PLEKHG5: variants seen among roughly 807,000 people sequenced by gnomAD.
The protein encoded by PLEKHG5 is pleckstrin homology and RhoGEF domain containing G5.
In PLEKHG5, 52 loss-of-function variants were observed where a neutral mutation model predicts 103.8. The ratio of observed to expected loss-of-function variants is 0.50; its 90% confidence interval spans 0.40 to 0.63. The LOEUF (loss-of-function observed/expected upper bound fraction) is 0.63, where lower values mean the gene tolerates loss of function less well. Among genes scored for constraint, PLEKHG5 ranks in the 30% least tolerant of loss-of-function variants. The probability of loss-of-function intolerance (pLI) is 0.00; values close to 1 mark genes in which losing one functional copy is unlikely to be tolerated. For synonymous variants in PLEKHG5, 592 were observed against 575.5 expected, an observed-to-expected ratio of 1.03 and a Z score of -0.41; for missense variants, 1,205 against 1,347.6, an observed-to-expected ratio of 0.89 and a Z score of 1.66.
At position 6,485,300 on chromosome 1, in the gene PLEKHG5, T is replaced by TCCCGC. The variant is rs1198520859; in HGVS notation, c.-88+6332_-88+6336dup. 1.2e-5 allele frequency: 16 copies of TCCCGC among 1,353,470 alleles called. No homozygotes were observed. In the Middle Eastern group the frequency reaches 6.4e-4, roughly 54 times the overall value. The allele number at this position is 1,353,470 out of a possible 1,614,324, so 83.8% of individuals were successfully genotyped here. On this transcript the variant is annotated intron_variant, in intron 1 of 20. Coordinates refer to ENST00000377728, the MANE Select transcript of PLEKHG5 (RefSeq NM_020631.6). Reference sequence around the variant, plus strand: ...GCGAGAACTGGGCACCCAGCCCCGTTCCCGCCCCGTCCCGGCCCCGTACCT... The same window carrying TCCCGC: ...GCGAGAACTGGGCACCCAGCCCCGTTCCCGCCCCGCCCCGTCCCGGCCCCGTACCT...
At chr1:6,474,244 A>T in intron 6 of PLEKHG5, 80 bp from the exon 7 acceptor site, 1 of 1,540,508 alleles carries the variant, frequency 6.5e-7, no homozygotes. Flanking sequence ...TCCCCGGAGG[A>T]TCCACACCAA....
intron 1 of PLEKHG5, among the ~76,000 whole-genome samples, chr1:6,480,829 T>C (rs540059787): frequency 5.7e-4 from 87 of 151,994 alleles, no homozygotes; most frequent in South Asian, 1.0e-3. Flanking sequence ...TTAGTAGAGA[T>C]AGGATTTCGC....
At position 6,475,263 on chromosome 1, in the gene PLEKHG5, TCCCAACCCTCCTC is replaced by T. The variant is rs1183930530; in HGVS notation, c.211-138_211-126del. On this transcript the variant is annotated intron_variant, in intron 4 of 20. Coordinates refer to ENST00000377728, the MANE Select transcript of PLEKHG5 (RefSeq NM_020631.6). ...TCCCCACCCTCCTTCCCACCCTCCT[TCCCAACCCTCCTC>T]CCCACCCTCCCCACCCTCCGGTCTC... 6.7e-5 allele frequency: 32 copies of T among 477,078 alleles called. No individual in the cohort carries two copies. In the East Asian group the frequency reaches 1.4e-3, roughly 22 times the overall value. The allele number at this position is 477,078 out of a possible 1,614,324, so 29.6% of individuals were successfully genotyped here.
chr1:6,485,455 G>A, intron 1 of PLEKHG5: 2 of 1,258,324 alleles, frequency 1.6e-6, no homozygotes, highest in Non-Finnish European at 2.0e-6. Flanking sequence ...GCGGCCGGAG[G>A]AAGCCGCGGT....
At position 6,477,541 on chromosome 1, in the gene PLEKHG5, G is replaced by A. The variant is rs2148598144; in HGVS notation, c.31C>T (p.Leu11Phe). The part of the protein sequence containing the change: MHYDGHVRFD[L>F]PPQGSVLARN... ...CGCCTGTGCTCACCTTGTGGGGGAA[G>A]GTCGAAGCGGACATGCCCATCATAA... is the stretch of plus-strand genomic sequence containing the variant. The change falls in exon 2 of 21, where the codon CTT (leucine) becomes TTT (phenylalanine). Residue 11 changes from leucine to phenylalanine, a missense_variant. Physicochemically the swap from Leu to Phe is conservative, Grantham distance 22. Coordinates refer to ENST00000377728, the MANE Select transcript of PLEKHG5 (RefSeq NM_020631.6). 1 of 1,612,070 alleles carries A rather than the reference G, an allele frequency of 6.2e-7. No individual in the cohort carries two copies. The highest frequency in any genetic ancestry group is 8.5e-7 in the Non-Finnish European group (1 of 1,179,958).
At chr1:6,481,588 G>A (rs1644904098) in intron 1 of PLEKHG5, among the ~76,000 whole-genome samples, 1 of 149,162 alleles carries the variant, frequency 6.7e-6, no homozygotes, top group Non-Finnish European at 1.5e-5. Flanking sequence ...AAAAGGCCAG[G>A]CGCGGTGGCT....
At chr1:6,482,501 C>T (rs528995085) in intron 1 of PLEKHG5, among the ~76,000 whole-genome samples, 4 of 152,158 alleles carry the variant, frequency 2.6e-5, no homozygotes, top group South Asian at 2.1e-4. Flanking sequence ...TTAATGTGGT[C>T]GTCATGTGTC....
upstream of PLEKHG5, chr1:6,496,996 G>A (rs1218016792): frequency 2.0e-6 from 3 of 1,527,736 alleles, no homozygotes; most frequent in Admixed American, 4.0e-5. Flanking sequence ...AGGAGCCCCC[G>A]AAGGTCTGGG....
chr1:6,484,218 C>T (rs572070425), intron 1 of PLEKHG5, among the ~76,000 whole-genome samples: 27 of 152,310 alleles, frequency 1.8e-4, no homozygotes, highest in South Asian at 6.2e-4. Flanking sequence ...AGCCCTATGA[C>T]GCACCCCACC....
At chr1:6,501,152 C>T (rs1050268119), upstream of PLEKHG5, among the ~76,000 whole-genome samples, 3 of 152,168 alleles carry the variant, frequency 2.0e-5, no homozygotes, top group Non-Finnish European at 2.9e-5. This position sits in a 1 kb window ranked among gnomAD's most constrained non-coding sequence, Gnocchi z 4.3. Flanking sequence ...CTCCAGCTCC[C>T]GAGCTGTGTC....
At chr1:6,489,038 A>G (rs1456502515) in intron 1 of PLEKHG5, among the ~76,000 whole-genome samples, 1 of 152,098 alleles carries the variant, frequency 6.6e-6, no homozygotes, top group Non-Finnish European at 1.5e-5. Flanking sequence ...TTCCCTGTCC[A>G]GGAAAGGACG....
At chr1:6,517,777 T>C (rs1419682794) in intron 1 of PLEKHG5, among the ~76,000 whole-genome samples, 1 of 152,154 alleles carries the variant, frequency 6.6e-6, no homozygotes, top group Non-Finnish European at 1.5e-5. Flanking sequence ...GAAGGGTCCA[T>C]GGCCCAAATG....
intron 1 of PLEKHG5, among the ~76,000 whole-genome samples, chr1:6,481,402 A>G (rs1258503033): frequency 6.6e-6 from 1 of 152,106 alleles, no homozygotes; most frequent in Non-Finnish European, 1.5e-5. Context: ...ATGGTGGCGC[A>G]TGCCTGTAAT....
rs534760199 is a variant in PLEKHG5 at position 6,470,808 on chromosome 1, T to C, written c.1469A>G (p.Lys490Arg). Residue 490 changes from lysine to arginine, a missense_variant, in exon 14 of 21, where the codon AAG (lysine) becomes AGG (arginine). Physicochemically the swap from Lys to Arg is conservative, Grantham distance 26. Coordinates refer to ENST00000377728, the MANE Select transcript of PLEKHG5 (RefSeq NM_020631.6). ...CACCGACTTGAGCAGCAGCGGGTAC[T>C]TGGTGAGCCGCTGGTGGGGTTTGGC... ...MLAKPHQRLT[K>R]YPLLLKSVLR... 49 of 1,577,148 alleles carry C rather than the reference T, an allele frequency of 3.1e-5. No individual in the cohort carries two copies. The highest frequency in any genetic ancestry group is 9.3e-5 in the East Asian group (4 of 43,124).
Position 6,471,654 on chromosome 1 carries a change from G to A in PLEKHG5, c.1132-17C>T, listed in dbSNP as rs1424401681. On this transcript the variant is annotated splice_polypyrimidine_tract_variant and intron_variant, in intron 11 of 20. Coordinates refer to ENST00000377728, the MANE Select transcript of PLEKHG5 (RefSeq NM_020631.6). ...CGCCTCCACCTGGGCGCGGCGGGAG[G>A]TGCGGTTGGCCACGCCCCTCCGCCA... is the stretch of plus-strand genomic sequence containing the variant. 1.3e-6 allele frequency: 2 copies of A among 1,571,448 alleles called. No homozygotes were observed. Among genetic ancestry groups the A allele is most frequent in the African/African-American group, 1.4e-5 (1 of 73,956 alleles).
At position 6,486,648 on chromosome 1, in the gene PLEKHG5, G is replaced by T. The variant is rs1645044540; in HGVS notation, c.-88+4989C>A. Reference sequence around the variant, plus strand: ...CTAGGCCAGGTCCCCACCGCCAGGGGGCACTCAGCAAAGCCTGAGAGGACG... The same window carrying T: ...CTAGGCCAGGTCCCCACCGCCAGGGTGCACTCAGCAAAGCCTGAGAGGACG... On this transcript the variant is annotated intron_variant, in intron 1 of 20. Transcript: ENST00000377728. The surrounding 1 kb of genome is among the most constrained non-coding windows in gnomAD (Gnocchi z 5.3). 6.6e-6 allele frequency among the ~76,000 whole-genome samples: 1 copy of T among 152,212 alleles called. No individual in the cohort carries two copies. Among genetic ancestry groups the T allele is most frequent in the African/African-American group, 2.4e-5 (1 of 41,450 alleles).
rs955057856 is a variant in PLEKHG5, at chr1:6,491,021, T to G, written c.-88+616A>C. Among the ~76,000 whole-genome samples the G allele has an allele frequency of 2.6e-5, 4 of 151,730 alleles. No homozygotes were observed. Among genetic ancestry groups the G allele is most frequent in the Non-Finnish European group, 5.9e-5 (4 of 67,982 alleles). ...TGAGCCAGGTTCGCTTCCGCTCTAT[T>G]GTAAAAAGCTGGATTCTGATCTGCG... On this transcript the variant is annotated intron_variant, in intron 1 of 20. Transcript: ENST00000377728. This position sits in a 1 kb window ranked among gnomAD's most constrained non-coding sequence, Gnocchi z 4.1.
In PLEKHG5 at chr1:6,487,526, G is replaced by T. The variant is rs552940776; in HGVS notation, c.-88+4111C>A. ...CTGGTCCGCACAGGGTCCACCTGCCGGTCTTCCTTCTCTCCCTACAGCTCG... is the reference window on the plus strand; with the variant it reads ...CTGGTCCGCACAGGGTCCACCTGCCTGTCTTCCTTCTCTCCCTACAGCTCG... On this transcript the variant is annotated intron_variant, in intron 1 of 20. Transcript: ENST00000377728. This position sits in a 1 kb window ranked among gnomAD's most constrained non-coding sequence, Gnocchi z 4.1. Among the ~76,000 whole-genome samples, 1 of 152,116 alleles carries T rather than the reference G, an allele frequency of 6.6e-6. No individual in the cohort carries two copies. Among genetic ancestry groups the T allele is most frequent in the African/African-American group, 2.4e-5 (1 of 41,412 alleles).
upstream of PLEKHG5, chr1:6,496,755 C>T: frequency 1.8e-6 from 1 of 555,730 alleles, no homozygotes; most frequent in East Asian, 3.3e-5. Flanking sequence ...GCCCTTTTCT[C>T]CTGCAGTCCT....
Sources: allele counts gnomAD v4.1 joint callset (sites outside exome capture counted in the v4.1 genomes callset), GRCh38; gene constraint gnomAD v4.1.1; non-coding constraint Gnocchi (gnomAD v3.1); transcripts MANE v1.5; gene names NCBI Gene and HGNC (gene_info 2026-07-23, HGNC 2026-07-21).